Variants in IPPK observed in about 807,000 individuals in gnomAD.
IPPK encodes inositol-pentakisphosphate 2-kinase.
IPPK carries 22 observed loss-of-function variants against 64.6 expected under a neutral mutation model. The ratio of observed to expected loss-of-function variants is 0.34; its 90% CI spans 0.24 to 0.49. IPPK has a LOEUF of 0.49. IPPK is among the 20% of genes least tolerant of loss of function. IPPK has a pLI of 0.99. For missense variants in IPPK, 532 were observed against 630.7 expected (o/e 0.84, Z 1.68); for synonymous variants, 262 against 247.2 (o/e 1.06, Z -0.56).
At chr9:92,656,427 G>T (rs1213864336) in intron 3 of IPPK, 29 bp downstream of exon 3, 1 of 1,444,174 alleles carries the variant, frequency 6.9e-7, no homozygotes, top group Non-Finnish European at 9.8e-7. Flanking sequence ...ACATGCCCAA[G>T]AATTCAGATG....
intron 11 of IPPK, among the ~76,000 whole-genome samples, chr9:92,620,979 G>A (rs773340083): frequency 1.3e-5 from 2 of 152,250 alleles, no homozygotes; most frequent in Non-Finnish European, 2.9e-5. Context: ...AGGCTGGGAT[G>A]TCCAAGACCA....
Position 92,634,485 on chromosome 9 carries a change from T to C in IPPK, c.1071A>G (p.Lys357=). The change falls in exon 11 of 13, where the codon AAA becomes AAG. Residue 357 remains lysine, a synonymous_variant. Transcript: ENST00000287996. ...RYLEEFPEER[K]TLQIDGPYDE... is the part of the protein sequence containing the mutation. ...CATAAGGCCCATCTATTTGTAAGGTTTTTCTGAAGAAGAAAGCACAATAAA... is the reference window on the plus strand; with the variant it reads ...CATAAGGCCCATCTATTTGTAAGGTCTTTCTGAAGAAGAAAGCACAATAAA... The C allele has an allele frequency of 6.2e-7, 1 of 1,611,754 alleles. No homozygotes were observed. The highest frequency in any genetic ancestry group is 8.5e-7 in the Non-Finnish European group (1 of 1,177,916).
At chr9:92,660,464 G>T (rs1363033818) in intron 1 of IPPK, among the ~76,000 whole-genome samples, 2 of 152,210 alleles carry the variant, frequency 1.3e-5, no homozygotes, top group African/African-American at 4.8e-5. Context: ...CATGCACAGA[G>T]CTCTGCGGCA....
chr9:92,638,226 T>G lies in IPPK; in HGVS notation c.691A>C (p.Ser231Arg), dbSNP rs1246479471. 4 of 1,614,176 alleles carry G rather than the reference T, an allele frequency of 2.5e-6. No individual in the cohort carries two copies. Among genetic ancestry groups the G allele is most frequent in the Non-Finnish European group, 3.4e-6 (4 of 1,180,016 alleles). ...GGCTTCAGGTGGTGTGCAAGCTCGCTCCAGTCAGCCACGGGGCTCCGGGCA... is the reference window on the plus strand; with the variant it reads ...GGCTTCAGGTGGTGTGCAAGCTCGCGCCAGTCAGCCACGGGGCTCCGGGCA... ...KDARSPVADW[S>R]ELAHHLKPFF... Residue 231 changes from serine to arginine, a missense_variant, in exon 9 of 13, where the codon AGC (serine) becomes CGC (arginine). Coordinates refer to ENST00000287996, the MANE Select transcript of IPPK (RefSeq NM_022755.6).
At chr9:92,649,656 G>C in intron 4 of IPPK, 82 bp from the exon 5 acceptor site, 2 of 1,537,138 alleles carry the variant, frequency 1.3e-6, no homozygotes, top group Non-Finnish European at 1.8e-6. Context: ...GCCCCGCCTT[G>C]TCCCTGGTTC....
chr9:92,670,119 C>T lies in IPPK; in HGVS notation c.-131G>A. On this transcript the variant is annotated 5_prime_UTR_variant, in exon 1 of 13. Coordinates refer to ENST00000287996, the MANE Select transcript of IPPK (RefSeq NM_022755.6). ...GTCAGCTGCCGCCCCCGCTCGACCC[C>T]GCCGCGGCGACTAGCAAGCTGTGGC... is the stretch of plus-strand genomic sequence containing the variant. 1 of 580,372 alleles carries T rather than the reference C, an allele frequency of 1.7e-6. No homozygotes were observed. Among genetic ancestry groups the T allele is most frequent in the Non-Finnish European group, 2.8e-6 (1 of 352,238 alleles). The allele number at this position is 580,372 out of a possible 1,614,324, so 36.0% of individuals were successfully genotyped here. A position where few individuals can be genotyped will look rare whatever the true frequency, so the allele number is the denominator to read the frequency against.
chr9:92,647,752 C>T (rs904516944), intron 6 of IPPK, among the ~76,000 whole-genome samples: 4 of 151,698 alleles, frequency 2.6e-5, no homozygotes, highest in African/African-American at 9.7e-5. Flanking sequence ...CTGGTGAACA[C>T]GGGCCGGGCG....
At chr9:92,624,959 C>T (rs1354871313) in intron 11 of IPPK, among the ~76,000 whole-genome samples, 60 of 151,118 alleles carry the variant, frequency 4.0e-4, no homozygotes, top group Non-Finnish European at 4.4e-5. Context: ...TCTCGTAAGT[C>T]AAGTTCAAAA....
intron 11 of IPPK, among the ~76,000 whole-genome samples, chr9:92,631,183 A>G (rs1255010444): frequency 6.6e-6 from 1 of 150,512 alleles, no homozygotes; most frequent in African/African-American, 2.4e-5. Context: ...CTTCAGCGGT[A>G]CACAGTTCAA....
rs769019280 is a variant in IPPK at position 92,635,139 on chromosome 9, G to C, written c.1067+19C>G. On this transcript the variant is annotated intron_variant, in intron 10 of 12. Transcript: ENST00000287996. This position sits in a 1 kb window ranked among gnomAD's most constrained non-coding sequence, Gnocchi z 4.4. ...GTCTCCTCTCAGGGCTGCCCAACAG[G>C]GGGACCGCCCGACCTCACCTCTCCT... The C allele has an allele frequency of 6.2e-7, 1 of 1,602,472 alleles. No individual in the cohort carries two copies. Among genetic ancestry groups the C allele is most frequent in the Non-Finnish European group, 8.5e-7 (1 of 1,172,836 alleles).
At chr9:92,654,949 G>T (rs1852341589) in intron 3 of IPPK, among the ~76,000 whole-genome samples, 1 of 152,226 alleles carries the variant, frequency 6.6e-6, no homozygotes, top group South Asian at 2.1e-4. Context: ...CAGCGAGGTG[G>T]AACTCCTGAG....
At chr9:92,657,806 C>T (rs1364627462) in intron 2 of IPPK, among the ~76,000 whole-genome samples, 1 of 152,092 alleles carries the variant, frequency 6.6e-6, no homozygotes, top group African/African-American at 2.4e-5. Flanking sequence ...TGTGCCCACG[C>T]GGCAGCTGTC....
chr9:92,654,873 C>A (rs901537348), intron 3 of IPPK, among the ~76,000 whole-genome samples: 5 of 152,370 alleles, frequency 3.3e-5, no homozygotes, highest in African/African-American at 4.8e-5. Flanking sequence ...TGTCAGCATG[C>A]GAGGTTCCAA....
intron 1 of IPPK, among the ~76,000 whole-genome samples, chr9:92,662,351 A>C (rs140992652): frequency 0.04 from 6,036 of 151,928 alleles, 183 homozygotes; most frequent in South Asian, 0.11. Context: ...CATGGAGAAA[A>C]CCTGTCTCTA....
chr9:92,635,904 T>C lies in IPPK; in HGVS notation c.917-596A>G, dbSNP rs1851933415. Among the ~76,000 whole-genome samples, 1 of 151,984 alleles carries C rather than the reference T, an allele frequency of 6.6e-6. No homozygotes were observed. The highest frequency in any genetic ancestry group is 1.9e-4 in the East Asian group (1 of 5,164). On this transcript the variant is annotated intron_variant, in intron 9 of 12. Coordinates refer to ENST00000287996, the MANE Select transcript of IPPK (RefSeq NM_022755.6). This position sits in a 1 kb window ranked among gnomAD's most constrained non-coding sequence, Gnocchi z 4.4. ...AGAGTCCAGAGCCATGAGCCCACAC[T>C]GAGAGGCAGGTAAGACCTGGGCTGG...
intron 2 of IPPK, among the ~76,000 whole-genome samples, chr9:92,656,777 G>A (rs1852382180): frequency 6.6e-6 from 1 of 152,124 alleles, no homozygotes; most frequent in Non-Finnish European, 1.5e-5. Context: ...CAGAGACTTG[G>A]GAAGGTAGCA....
chr9:92,620,926 T>C (rs962833792), intron 11 of IPPK, among the ~76,000 whole-genome samples: 23 of 152,168 alleles, frequency 1.5e-4, no homozygotes, highest in African/African-American at 5.6e-4. Flanking sequence ...TGCCCAAAAC[T>C]GGTAGCTTAT....
chr9:92,643,297 TAGA>T (rs1212357130), intron 6 of IPPK, among the ~76,000 whole-genome samples: 1 of 152,138 alleles, frequency 6.6e-6, no homozygotes, highest in Non-Finnish European at 1.5e-5. Flanking sequence ...ACAAGGAACC[TAGA>T]AGAAGTAGCA....
chr9:92,631,990 G>T (rs941655227), intron 11 of IPPK, among the ~76,000 whole-genome samples: 4 of 152,218 alleles, frequency 2.6e-5, no homozygotes, highest in African/African-American at 9.6e-5. Context: ...GACCTCTGGA[G>T]ATTGGTTTTC....
Sources: gnomAD v4.1 joint callset for allele counts (sites outside exome capture counted in the v4.1 genomes callset) on GRCh38, gnomAD v4.1.1 for gene constraint, Gnocchi (gnomAD v3.1) non-coding constraint, MANE v1.5 for transcripts, NCBI Gene and HGNC (gene_info 2026-07-23, HGNC 2026-07-21) for gene names.